The following PCDHA4 variants were observed in gnomAD, a reference collection of about 807,000 sequenced individuals.
PCDHA4 encodes the protein protocadherin alpha 4.
PCDHA4 carries 49 observed loss-of-function variants against 61.4 expected under a neutral mutation model. The ratio of observed to expected loss-of-function variants is 0.80; its 90% CI spans 0.63 to 1.01. PCDHA4 has a LOEUF of 1.01. Among genes scored for constraint, PCDHA4 ranks in the 50% least tolerant of loss-of-function variants. The probability of loss-of-function intolerance (pLI) is 0.00; values close to 1 mark genes in which losing one functional copy is unlikely to be tolerated. For missense variants in PCDHA4, 1,254 were observed against 1,235.8 expected, an observed-to-expected ratio of 1.01 and a Z score of -0.22; for synonymous variants, 590 against 550.3, an observed-to-expected ratio of 1.07 and a Z score of -1.01.
chr5:140,855,249 C>A (rs910025262), intron 1 of PCDHA4, among the ~76,000 whole-genome samples: 1 of 149,670 alleles, frequency 6.7e-6, no homozygotes, highest in African/African-American at 2.4e-5. Flanking sequence ...ATTGCAAGCA[C>A]TTACTATATT....
At chr5:140,928,718 T>C in intron 1 of PCDHA4, 1 of 1,614,174 alleles carries the variant, frequency 6.2e-7, no homozygotes, top group East Asian at 2.2e-5. Context: ...TCTAGTCTCT[T>C]TAGAATTTCA....
At chr5:140,824,626 T>TTTTTTTG (rs1768277124) in intron 1 of PCDHA4, 1 of 133,454 alleles carries the variant, frequency 7.5e-6, no homozygotes, top group Non-Finnish European at 1.5e-5. Flanking sequence ...TTTTTTTTTT[T>TTTTTTTG]TTTTTTATTT....
At chr5:140,917,326 G>GA (rs1425389614) in intron 1 of PCDHA4, among the ~76,000 whole-genome samples, 3 of 149,490 alleles carry the variant, frequency 2.0e-5, no homozygotes, top group Non-Finnish European at 4.5e-5. Flanking sequence ...TCATGTGGCG[G>GA]GGGAGGGGGG....
chr5:140,927,634 A>G, intron 1 of PCDHA4: 1 of 1,614,184 alleles, frequency 6.2e-7, no homozygotes, highest in Non-Finnish European at 8.5e-7. Context: ...GACTGCACCC[A>G]ATGGGACTGT....
Position 140,809,688 on chromosome 5 carries a change from A to G in PCDHA4, c.2385+116A>G, listed in dbSNP as rs143537982. The G allele has an allele frequency of 3.8e-4, 482 of 1,285,242 alleles. 2 individuals are homozygous for G. In the African/African-American group the frequency reaches 6.7e-3, roughly 18 times the overall value. 79.6% of individuals were successfully genotyped at this position (1,285,242 alleles called of 1,614,324 possible). On this transcript the variant is annotated intron_variant, in intron 1 of 3. Transcript: ENST00000530339. ...GGGTTAAAATTTTACCTCTTTTTAC[A>G]TATCCATTTTAACTAAAGTCTTTTG...
chr5:140,826,616 G>C (rs2150144460), intron 1 of PCDHA4, among the ~76,000 whole-genome samples: 4 of 152,230 alleles, frequency 2.6e-5, no homozygotes, highest in Non-Finnish European at 5.9e-5. Flanking sequence ...GGGCGAAGTT[G>C]ATATTTGGCC....
intron 1 of PCDHA4, chr5:140,828,492 C>T (rs139629080): frequency 6.2e-6 from 10 of 1,614,162 alleles, no homozygotes; most frequent in Non-Finnish European, 8.5e-6. Flanking sequence ...CCCTTGTTCC[C>T]GGTAGAGGAA....
chr5:140,849,729 G>C lies in PCDHA4; in HGVS notation c.2385+40157G>C, dbSNP rs1180272167. 2.5e-6 allele frequency: 4 copies of C among 1,598,492 alleles called. 1 individual carries two copies. Among genetic ancestry groups the C allele is most frequent in the Non-Finnish European group, 3.4e-6 (4 of 1,168,006 alleles). On this transcript the variant is annotated intron_variant, in intron 1 of 3. Coordinates refer to ENST00000530339, the MANE Select transcript of PCDHA4 (RefSeq NM_018907.4). Reference sequence around the variant, plus strand: ...TTACTACTCGTTGGTGCTGGACAGAGCTCTGGACCGCGAGAGTGTGTCCGC... The same window carrying C: ...TTACTACTCGTTGGTGCTGGACAGACCTCTGGACCGCGAGAGTGTGTCCGC...
At chr5:140,928,427 C>T in intron 1 of PCDHA4, 1 of 1,614,132 alleles carries the variant, frequency 6.2e-7, no homozygotes. Flanking sequence ...GCCAAAACTT[C>T]CTTTGACTTT....
chr5:140,918,406 G>A (rs1382905411), intron 1 of PCDHA4, among the ~76,000 whole-genome samples: 2 of 152,076 alleles, frequency 1.3e-5, no homozygotes, highest in Non-Finnish European at 2.9e-5. Context: ...GATTTCTCTG[G>A]CCAGGACTTC....
At position 140,898,329 on chromosome 5, in the gene PCDHA4, C is replaced by T. The variant is rs13158044; in HGVS notation, c.2386-80620C>T. Among the ~76,000 whole-genome samples the T allele has an allele frequency of 3.9e-5, 6 of 152,232 alleles. No homozygotes were observed. The East Asian group carries it at 7.7e-4, about 20-fold the overall frequency. On this transcript the variant is annotated intron_variant, in intron 1 of 3. Transcript: ENST00000530339. ...AGGGTTTTTATGGTTTTGGGTCTAA[C>T]GTTTAAGTCTTTAATCCATCTTGAA...
At chr5:140,865,269 T>C (rs2048801874) in intron 1 of PCDHA4, 1 of 152,262 alleles carries the variant, frequency 6.6e-6, no homozygotes. Flanking sequence ...TATCAAATTA[T>C]ATGTAAAATT....
intron 1 of PCDHA4, among the ~76,000 whole-genome samples, chr5:140,901,976 T>C (rs1470395593): frequency 6.6e-6 from 1 of 152,164 alleles, no homozygotes; most frequent in African/African-American, 2.4e-5. Context: ...ATGGGATTAC[T>C]TTTTAATTTC....
At chr5:140,927,104 C>CA in intron 1 of PCDHA4, 1 of 1,613,722 alleles carries the variant, frequency 6.2e-7, no homozygotes, top group Non-Finnish European at 8.5e-7. Flanking sequence ...GTGGATCTAC[C>CA]CAGCGGCAAT....
intron 1 of PCDHA4, among the ~76,000 whole-genome samples, chr5:140,915,155 G>T (rs941034401): frequency 1.3e-5 from 2 of 151,934 alleles, no homozygotes; most frequent in Non-Finnish European, 2.9e-5. Flanking sequence ...CACCATGTTG[G>T]CCAGGATAGT....
chr5:140,850,299 G>C (rs2150478562), intron 1 of PCDHA4: 2 of 1,596,610 alleles, frequency 1.3e-6, no homozygotes, highest in East Asian at 2.2e-5. Context: ...CGCCGACTCG[G>C]GCTACAACGC....
intron 1 of PCDHA4, chr5:140,967,470 C>T (rs1554229592): frequency 1.2e-6 from 2 of 1,613,462 alleles, no homozygotes; most frequent in Non-Finnish European, 8.5e-7. Context: ...GGGGGCATCC[C>T]AGCCCGCTCG....
intron 1 of PCDHA4, among the ~76,000 whole-genome samples, chr5:140,953,052 C>T (rs2094839858): frequency 6.6e-6 from 1 of 152,206 alleles, no homozygotes; most frequent in Non-Finnish European, 1.5e-5. Flanking sequence ...ATCCAATCAC[C>T]TCTCACAGGC....
intron 1 of PCDHA4, chr5:140,857,630 G>A (rs1554150395): frequency 6.3e-7 from 1 of 1,596,610 alleles, no homozygotes; most frequent in African/African-American, 1.3e-5. Flanking sequence ...CGAGGAGCTG[G>A]AGCTGCTACA....
Sources: gnomAD v4.1 joint callset for allele counts (sites outside exome capture counted in the v4.1 genomes callset) on GRCh38, gnomAD v4.1.1 for gene constraint, MANE v1.5 for transcripts, NCBI Gene and HGNC (gene_info 2026-07-23, HGNC 2026-07-21) for gene names.